TBL1XR1: variants seen among roughly 807,000 people sequenced by gnomAD.
TBL1XR1 encodes TBL1X/Y related 1, also known as F-box-like/WD repeat-containing protein TBL1XR1.
In TBL1XR1, 5 loss-of-function variants were observed where a neutral mutation model predicts 66.9. The observed-to-expected ratio is 0.07, with a 90% confidence interval of 0.04 to 0.16. The LOEUF is 0.16. TBL1XR1 is among the 10% of genes least tolerant of loss of function. The probability of loss-of-function intolerance (pLI) is 1.00; values close to 1 mark genes in which losing one functional copy is unlikely to be tolerated. For missense variants in TBL1XR1, 238 were observed against 623.2 expected, an observed-to-expected ratio of 0.38 and a Z score of 6.58; for synonymous variants, 210 against 206.0, an observed-to-expected ratio of 1.02 and a Z score of -0.17.
At chr3:177,079,550 T>C (rs1357549823) in intron 2 of TBL1XR1, 3 of 152,070 alleles carry the variant, frequency 2.0e-5, no homozygotes, top group Admixed American at 6.6e-5. Flanking sequence ...ATTCCTGTTA[T>C]AAATTTTAAT....
chr3:177,127,342 T>C (rs1270239764), intron 1 of TBL1XR1, among the ~76,000 whole-genome samples: 2 of 152,186 alleles, frequency 1.3e-5, no homozygotes, highest in Non-Finnish European at 2.9e-5. Flanking sequence ...TCATTAAAAA[T>C]TCTTCTACGA....
At chr3:177,138,432 A>T (rs1729244475) in intron 1 of TBL1XR1, among the ~76,000 whole-genome samples, 1 of 152,174 alleles carries the variant, frequency 6.6e-6, no homozygotes, top group Admixed American at 6.5e-5. Context: ...CCATCTCCAT[A>T]AAAAGTAAAA....
At chr3:177,187,911 A>G (rs1462600320) in intron 1 of TBL1XR1, among the ~76,000 whole-genome samples, 3 of 151,084 alleles carry the variant, frequency 2.0e-5, no homozygotes, top group Non-Finnish European at 2.9e-5. Flanking sequence ...AAAAGAAAAA[A>G]AAAAAAGCTT....
At chr3:177,108,665 G>A (rs1278799065) in intron 1 of TBL1XR1, among the ~76,000 whole-genome samples, 2 of 152,104 alleles carry the variant, frequency 1.3e-5, no homozygotes, top group Non-Finnish European at 2.9e-5. Context: ...GTTAAAAATA[G>A]TATAGTATTA....
At chr3:177,197,763 C>T (rs1268289216), upstream of TBL1XR1, among the ~76,000 whole-genome samples, 4 of 146,672 alleles carry the variant, frequency 2.7e-5, no homozygotes, top group Non-Finnish European at 4.6e-5. Flanking sequence ...TCTGGCGGCA[C>T]TGGGGGCTGG....
chr3:177,084,159 A>G (rs569973861), intron 2 of TBL1XR1, among the ~76,000 whole-genome samples: 4 of 152,300 alleles, frequency 2.6e-5, no homozygotes, highest in South Asian at 2.1e-4. Flanking sequence ...TATACTGGCT[A>G]TATCATTCAG....
At chr3:177,045,910 A>T (rs945463241) in intron 10 of TBL1XR1, among the ~76,000 whole-genome samples, 1 of 152,140 alleles carries the variant, frequency 6.6e-6, no homozygotes, top group Non-Finnish European at 1.5e-5. Context: ...CTCTAATTGC[A>T]CCAGGCTGCA....
chr3:177,162,810 A>G (rs1732383823), intron 1 of TBL1XR1, among the ~76,000 whole-genome samples: 1 of 152,232 alleles, frequency 6.6e-6, no homozygotes, highest in African/African-American at 2.4e-5. Context: ...ATACAAAAAG[A>G]TGCTCGATCT....
chr3:177,095,159 T>C (rs1158008854), intron 2 of TBL1XR1, among the ~76,000 whole-genome samples: 2 of 151,932 alleles, frequency 1.3e-5, no homozygotes, highest in South Asian at 2.1e-4. Context: ...ATGAGGTATC[T>C]AGCAAACTCA....
chr3:177,131,636 A>G (rs1203555925), intron 1 of TBL1XR1, among the ~76,000 whole-genome samples: 4 of 150,924 alleles, frequency 2.7e-5, no homozygotes, highest in Non-Finnish European at 5.9e-5. Context: ...TCAGCCTCCC[A>G]AATTACAGGC....
At chr3:177,054,081 C>CGCGT (rs1717492299) in intron 3 of TBL1XR1, among the ~76,000 whole-genome samples, 163 bp from the exon 4 acceptor site, 3 of 150,274 alleles carry the variant, frequency 2.0e-5, no homozygotes, top group Non-Finnish European at 4.4e-5. Flanking sequence ...TGTGCGCGCG[C>CGCGT]GTGTGTGTGC....
chr3:177,156,676 G>A (rs939037404), intron 1 of TBL1XR1, among the ~76,000 whole-genome samples: 1 of 151,654 alleles, frequency 6.6e-6, no homozygotes, highest in African/African-American at 2.4e-5. Context: ...AATTTTCAAA[G>A]GAGCAAAATA....
At chr3:177,189,537 C>T (rs1277496724) in intron 1 of TBL1XR1, among the ~76,000 whole-genome samples, 2 of 151,844 alleles carry the variant, frequency 1.3e-5, no homozygotes, top group East Asian at 3.9e-4. Flanking sequence ...CACCTGTAAT[C>T]CCAGCTACTT....
chr3:177,113,334 C>T (rs186315824), intron 1 of TBL1XR1, among the ~76,000 whole-genome samples: 37 of 152,146 alleles, frequency 2.4e-4, no homozygotes, highest in South Asian at 1.2e-3. Context: ...TGGATAGGAC[C>T]TCAAAAAGTA....
chr3:177,107,752 A>C (rs1373030677), intron 1 of TBL1XR1, among the ~76,000 whole-genome samples: 1 of 152,182 alleles, frequency 6.6e-6, no homozygotes, highest in African/African-American at 2.4e-5. Flanking sequence ...TATATATTTC[A>C]ATACAGAAAA....
chr3:177,044,127 C>G (rs746130143), intron 10 of TBL1XR1, among the ~76,000 whole-genome samples: 2 of 152,158 alleles, frequency 1.3e-5, no homozygotes, highest in Non-Finnish European at 2.9e-5. Flanking sequence ...CTTCCCGCAG[C>G]ATCGAATCTG....
chr3:177,088,136 T>C (rs1722381379), intron 2 of TBL1XR1, among the ~76,000 whole-genome samples: 1 of 152,166 alleles, frequency 6.6e-6, no homozygotes, highest in Admixed American at 6.5e-5. Flanking sequence ...ATGAAAAATG[T>C]TTTAAAATGA....
chr3:177,100,775 G>A (rs116620714), intron 1 of TBL1XR1, among the ~76,000 whole-genome samples: 9,751 of 151,946 alleles, frequency 0.064, 360 homozygotes, highest in Middle Eastern at 0.095. Flanking sequence ...ATTTTTTTCA[G>A]ACATCTATAA....
chr3:177,077,538 C>G (rs1720841031), intron 2 of TBL1XR1, among the ~76,000 whole-genome samples: 1 of 152,176 alleles, frequency 6.6e-6, no homozygotes, highest in African/African-American at 2.4e-5. Context: ...TTCTACAGTA[C>G]CTATCACCTG....
Sources: gnomAD v4.1 joint callset for allele counts (sites outside exome capture counted in the v4.1 genomes callset) on GRCh38, gnomAD v4.1.1 for gene constraint, MANE v1.5 for transcripts, NCBI Gene and HGNC (gene_info 2026-07-23, HGNC 2026-07-21) for gene names.